CASR: variants seen among roughly 807,000 people sequenced by gnomAD.
CASR encodes calcium sensing receptor.
Under a neutral mutation model 69.1 loss-of-function variants are expected in CASR, and 23 were observed. That is an observed-to-expected ratio of 0.33 (90% confidence interval 0.24 to 0.47). The LOEUF is 0.47. Among genes scored for constraint, CASR ranks in the 20% least tolerant of loss-of-function variants. The pLI is 1.00. For synonymous variants in CASR, 541 were observed against 544.7 expected, an observed-to-expected ratio of 0.99 and a Z score of 0.10; for missense variants, 924 against 1,356.1, an observed-to-expected ratio of 0.68 and a Z score of 5.00.
At chr3:122,217,699 G>A (rs1419055590) in intron 1 of CASR, among the ~76,000 whole-genome samples, 1 of 152,100 alleles carries the variant, frequency 6.6e-6, no homozygotes, top group African/African-American at 2.4e-5. Context: ...TGCACAAAAA[G>A]GGAAGAAGGA....
intron 1 of CASR, among the ~76,000 whole-genome samples, chr3:122,191,500 C>T (rs138383497): frequency 1.8e-3 from 272 of 151,510 alleles, no homozygotes; most frequent in African/African-American, 6.2e-3. Context: ...TTAGTAGAGA[C>T]GGAGTTTTAC....
chr3:122,286,785 T>C lies in CASR; in HGVS notation c.*1594T>C, dbSNP rs1029728177. On this transcript the variant is annotated 3_prime_UTR_variant, in exon 7 of 7. Transcript: ENST00000639785. ...CCATCACCAGTCTAGCAGGAGGTTC[T>C]AAGCTGAGGCCAAACCATTGCAATT... The C allele has an allele frequency of 6.6e-6, 1 of 152,258 alleles. No individual in the cohort carries two copies. Among genetic ancestry groups the C allele is most frequent in the Non-Finnish European group, 1.5e-5 (1 of 68,056 alleles). The allele number at this position is 152,258 out of a possible 1,614,324, so 9.4% of individuals were successfully genotyped here.
At chr3:122,215,053 C>T (rs1156298001) in intron 1 of CASR, among the ~76,000 whole-genome samples, 5 of 152,018 alleles carry the variant, frequency 3.3e-5, no homozygotes, top group Admixed American at 1.3e-4. Flanking sequence ...GCTTTTGCTG[C>T]CATCTCGAAC....
intron 1 of CASR, among the ~76,000 whole-genome samples, chr3:122,252,409 A>AAAAGAAAGAAAGAAAG (rs1553765627): frequency 0.025 from 162 of 6,460 alleles, 18 homozygotes; most frequent in Middle Eastern, 0.17. Context: ...GAAGGAAGGA[A>AAAAGAAAGAAAGAAAG]AAAGAAAGAA....
chr3:122,199,846 C>CA (rs35415496), intron 1 of CASR, among the ~76,000 whole-genome samples: 137,345 of 152,214 alleles, frequency 0.9, 62,653 homozygotes, highest in Admixed American at 0.93. Context: ...TAACTAACAA[C>CA]ATTTATTGTA....
intron 1 of CASR, among the ~76,000 whole-genome samples, chr3:122,193,435 T>G (rs1009959156): frequency 2.4e-4 from 36 of 152,266 alleles, no homozygotes; most frequent in African/African-American, 8.4e-4. Flanking sequence ...CAGGCTGGTC[T>G]CAAACTCCTG....
intron 4 of CASR, among the ~76,000 whole-genome samples, chr3:122,263,581 C>T (rs533540603): frequency 6.6e-6 from 1 of 152,228 alleles, no homozygotes; most frequent in East Asian, 1.9e-4. Flanking sequence ...GGGAAGGATA[C>T]CAAGAAGCAA....
rs1559959206 is a variant in CASR, at chr3:122,261,858, G to T, written c.823G>T (p.Asp275Tyr). The T allele has an allele frequency of 6.2e-7, 1 of 1,614,218 alleles. No individual in the cohort carries two copies. Among genetic ancestry groups the T allele is most frequent in the Middle Eastern group, 1.6e-4 (1 of 6,062 alleles). Residue 275 changes from aspartate to tyrosine, a missense_variant, in exon 4 of 7, where the codon GAT becomes TAT. Physicochemically the swap from Asp to Tyr is radical, Grantham distance 160. Coordinates refer to ENST00000639785, the MANE Select transcript of CASR (RefSeq NM_000388.4). ...CATCGTGGTTTTCTCCAGTGGCCCA[G>T]ATCTTGAGCCCCTCATCAAGGAGAT... ...KVIVVFSSGPDLEPLIKEIVR... is the reference protein window; with the variant it reads ...KVIVVFSSGPYLEPLIKEIVR...
chr3:122,242,828 A>C (rs1200586612), intron 1 of CASR, among the ~76,000 whole-genome samples: 1 of 152,206 alleles, frequency 6.6e-6, no homozygotes, highest in Non-Finnish European at 1.5e-5. Flanking sequence ...CAACAGACAC[A>C]TAGCTCAGTG....
At chr3:122,244,959 T>C (rs1398333267) in intron 1 of CASR, among the ~76,000 whole-genome samples, 1 of 152,132 alleles carries the variant, frequency 6.6e-6, no homozygotes, top group Non-Finnish European at 1.5e-5. Context: ...TCCCTTCATA[T>C]AGCCATTGTT....
At chr3:122,215,306 C>T (rs1426961314) in intron 1 of CASR, among the ~76,000 whole-genome samples, 1 of 152,208 alleles carries the variant, frequency 6.6e-6, no homozygotes, top group Non-Finnish European at 1.5e-5. Flanking sequence ...AAGCTTTCTG[C>T]TTATCCCATG....
At chr3:122,269,084 C>G (rs568563794) in intron 4 of CASR, among the ~76,000 whole-genome samples, 3 of 152,058 alleles carry the variant, frequency 2.0e-5, no homozygotes, top group Admixed American at 6.5e-5. Flanking sequence ...ATTTATTAGC[C>G]TAATTTGTAC....
At chr3:122,193,323 TCTC>T (rs1257432035) in intron 1 of CASR, among the ~76,000 whole-genome samples, 2 of 151,962 alleles carry the variant, frequency 1.3e-5, no homozygotes, top group Admixed American at 6.6e-5. Flanking sequence ...TTCAAGCAAT[TCTC>T]CTGCCTCAGC....
chr3:122,261,479 C>G (rs369788989), intron 3 of CASR, 49 bp from the exon 4 acceptor site: 1 of 1,584,298 alleles, frequency 6.3e-7, no homozygotes, highest in Non-Finnish European at 8.7e-7. Context: ...CACTCAGCAC[C>G]TCTTCACTCA....
intron 4 of CASR, among the ~76,000 whole-genome samples, chr3:122,268,410 G>A (rs921927393): frequency 6.6e-6 from 1 of 152,214 alleles, no homozygotes; most frequent in African/African-American, 2.4e-5. Flanking sequence ...CAAAGGAGTT[G>A]CTAAAAGAAT....
At chr3:122,283,528 A>G (rs1359022872) in intron 6 of CASR, among the ~76,000 whole-genome samples, 159 bp from the exon 7 acceptor site, 1 of 152,248 alleles carries the variant, frequency 6.6e-6, no homozygotes, top group Non-Finnish European at 1.5e-5. Flanking sequence ...GGGGTTCAGC[A>G]TATTTTTGAT....
At chr3:122,218,087 T>C (rs1402944390) in intron 1 of CASR, among the ~76,000 whole-genome samples, 1 of 151,908 alleles carries the variant, frequency 6.6e-6, no homozygotes, top group Non-Finnish European at 1.5e-5. Flanking sequence ...CAGGTTTCTG[T>C]ATTCAAAGAT....
chr3:122,186,030 C>T (rs1553759914), intron 1 of CASR, among the ~76,000 whole-genome samples: 1 of 151,262 alleles, frequency 6.6e-6, no homozygotes, highest in Non-Finnish European at 1.5e-5. Flanking sequence ...TATGCTAGAC[C>T]AAAACATAGT....
In CASR at chr3:122,285,358, T is replaced by G. The variant is rs200114793; in HGVS notation, c.*167T>G. 1 of 614,716 alleles carries G rather than the reference T, an allele frequency of 1.6e-6. No individual in the cohort carries two copies. Among genetic ancestry groups the G allele is most frequent in the Non-Finnish European group, 2.8e-6 (1 of 352,734 alleles). 38.1% of individuals were successfully genotyped at this position (614,716 alleles called of 1,614,324 possible). A position where few individuals can be genotyped will look rare whatever the true frequency, so the allele number is the denominator to read the frequency against. ...TTAAATGACAGTGAATTGACCCATG[T>G]TCCCTTTAAAATTAAAAAAAAGAAG... On this transcript the variant is annotated 3_prime_UTR_variant, in exon 7 of 7. Coordinates refer to ENST00000639785, the MANE Select transcript of CASR (RefSeq NM_000388.4).
Sources: allele counts gnomAD v4.1 joint callset (sites outside exome capture counted in the v4.1 genomes callset), GRCh38; gene constraint gnomAD v4.1.1; transcripts MANE v1.5; gene names NCBI Gene and HGNC (gene_info 2026-07-23, HGNC 2026-07-21).